Variants in RIPOR2 observed in about 807,000 individuals in gnomAD.
The protein encoded by RIPOR2 is rho family-interacting cell polarization regulator 2.
A neutral mutation model predicts 114.5 loss-of-function variants in RIPOR2; 39 were observed. That is an observed-to-expected ratio of 0.34 (90% CI 0.26 to 0.44). The LOEUF is 0.44. Ranked by LOEUF, RIPOR2 falls within the 20% of genes least tolerant of loss-of-function variation. RIPOR2 has a pLI of 1.00. For missense variants in RIPOR2, 1,007 were observed against 1,255.1 expected, an observed-to-expected ratio of 0.80 and a Z score of 2.99; for synonymous variants, 445 against 484.4, an observed-to-expected ratio of 0.92 and a Z score of 1.07.
In RIPOR2 at chr6:24,920,321, C is replaced by T. The variant is rs2817737; in HGVS notation, c.61+15517G>A. Among the ~76,000 whole-genome samples, 1,470 of 152,304 alleles carry T rather than the reference C, an allele frequency of 9.7e-3. 22 individuals carry two copies. The highest frequency in any genetic ancestry group is 0.033 in the African/African-American group (1,389 of 41,556). On this transcript the variant is annotated intron_variant, in intron 1 of 21. Transcript: ENST00000643898. Reference sequence around the variant, plus strand: ...AATGCAAGCATGTGAACTTGGTATGCATAGCACCAAATGCAGGAGAGCATG... The same window carrying T: ...AATGCAAGCATGTGAACTTGGTATGTATAGCACCAAATGCAGGAGAGCATG...
chr6:24,839,741 G>T, intron 13 of RIPOR2: 1 of 1,434,186 alleles, frequency 7.0e-7, no homozygotes, highest in Non-Finnish European at 9.1e-7. Context: ...ACCACAAGCA[G>T]ACAAATTTTA....
At chr6:24,984,861 C>T (rs1239042683) in intron 1 of RIPOR2, among the ~76,000 whole-genome samples, 1 of 152,166 alleles carries the variant, frequency 6.6e-6, no homozygotes, top group African/African-American at 2.4e-5. Context: ...CCCTGGTACC[C>T]TGGTACCCTG....
At chr6:24,857,157 G>A (rs963749152) in intron 8 of RIPOR2, among the ~76,000 whole-genome samples, 1 of 152,162 alleles carries the variant, frequency 6.6e-6, no homozygotes. Context: ...TACTGGCCAC[G>A]GAATTAGCAC....
intron 1 of RIPOR2, among the ~76,000 whole-genome samples, chr6:24,878,231 T>C (rs1234177132): frequency 6.6e-6 from 1 of 152,242 alleles, no homozygotes; most frequent in African/African-American, 2.4e-5. Flanking sequence ...GGTTCTCCTC[T>C]GTGCTCTCTG....
At chr6:24,866,351 C>T (rs896527432) in intron 6 of RIPOR2, among the ~76,000 whole-genome samples, 7 of 151,970 alleles carry the variant, frequency 4.6e-5, no homozygotes, top group Non-Finnish European at 8.8e-5. Flanking sequence ...TCAGCTAATT[C>T]TTCTAAGGCA....
intron 1 of RIPOR2, among the ~76,000 whole-genome samples, chr6:25,016,883 C>T (rs1453485412): frequency 2.6e-5 from 4 of 152,304 alleles, no homozygotes; most frequent in East Asian, 1.9e-4. Context: ...TTGTATATAT[C>T]TTCTAGGGGA....
rs186813241 is a variant in RIPOR2, at chr6:24,883,719, T to C, written c.62-7902A>G. 5.8e-4 allele frequency among the ~76,000 whole-genome samples: 88 copies of C among 152,330 alleles called. No homozygotes were observed. The highest frequency in any genetic ancestry group is 2.0e-3 in the African/African-American group (84 of 41,568). On this transcript the variant is annotated intron_variant, in intron 1 of 21. Coordinates refer to ENST00000643898, the MANE Select transcript of RIPOR2 (RefSeq NM_001286445.3). The surrounding 1 kb of genome is among the most constrained non-coding windows in gnomAD (Gnocchi z 4.1). ...GAAATCAGGACTTGGAAAAGCTGAA[T>C]CAGTAAGCAACCAGCTGAGAGTTGC...
At chr6:24,888,248 A>G (rs1562315489) in intron 1 of RIPOR2, among the ~76,000 whole-genome samples, 1 of 152,240 alleles carries the variant, frequency 6.6e-6, no homozygotes, top group Non-Finnish European at 1.5e-5. Context: ...ACCAGGTTAA[A>G]AAAACATTGC....
At chr6:24,875,547 A>G in intron 2 of RIPOR2, 144 bp downstream of exon 2, 1 of 726,568 alleles carries the variant, frequency 1.4e-6, no homozygotes, top group Non-Finnish European at 2.3e-6. Context: ...AATTTTTAGT[A>G]CATCCTTTCC....
chr6:24,908,629 G>A (rs1769216625), intron 1 of RIPOR2, among the ~76,000 whole-genome samples: 1 of 152,182 alleles, frequency 6.6e-6, no homozygotes, highest in South Asian at 2.1e-4. Context: ...TTTAGGGAAG[G>A]ACATTTGGCA....
At chr6:25,040,250 G>T (rs1264372757) in intron 1 of RIPOR2, among the ~76,000 whole-genome samples, 1 of 151,984 alleles carries the variant, frequency 6.6e-6, no homozygotes, top group Non-Finnish European at 1.5e-5. Flanking sequence ...TGAGTAGTTG[G>T]GATTACAGGT....
chr6:24,904,288 A>C (rs1258766147), intron 1 of RIPOR2, among the ~76,000 whole-genome samples: 1 of 152,136 alleles, frequency 6.6e-6, no homozygotes, highest in Non-Finnish European at 1.5e-5. Flanking sequence ...CGAGGAGAAA[A>C]TCTGTTTCCT....
intron 1 of RIPOR2, among the ~76,000 whole-genome samples, chr6:24,962,021 C>A (rs1773331637): frequency 6.6e-6 from 1 of 152,152 alleles, no homozygotes; most frequent in Admixed American, 6.6e-5. Context: ...AGGCTAAGCA[C>A]CTCACTCTAA....
chr6:24,938,580 C>T (rs865919609), upstream of RIPOR2, among the ~76,000 whole-genome samples: 4 of 152,180 alleles, frequency 2.6e-5, no homozygotes, highest in South Asian at 8.3e-4. Flanking sequence ...TATAATTATA[C>T]GCCTAAGTCT....
At chr6:24,949,502 T>C (rs1005037792) in intron 1 of RIPOR2, among the ~76,000 whole-genome samples, 3 of 152,174 alleles carry the variant, frequency 2.0e-5, no homozygotes, top group African/African-American at 7.2e-5. Flanking sequence ...TTTCAGGACA[T>C]CTTTAGGGTC....
chr6:25,008,421 G>A (rs1300259365), intron 1 of RIPOR2, among the ~76,000 whole-genome samples: 1 of 152,176 alleles, frequency 6.6e-6, no homozygotes, highest in Non-Finnish European at 1.5e-5. Context: ...AGAGATGTGA[G>A]GACAGTGGCA....
chr6:25,005,719 A>ATC (rs1263867796), intron 1 of RIPOR2, among the ~76,000 whole-genome samples: 2 of 106,626 alleles, frequency 1.9e-5, no homozygotes, highest in Non-Finnish European at 4.4e-5. Flanking sequence ...ATATATATAT[A>ATC]TATATATATA....
chr6:24,870,992 T>C (rs1466583481), intron 4 of RIPOR2, 103 bp from the exon 5 acceptor site: 2 of 645,066 alleles, frequency 3.1e-6, no homozygotes, highest in East Asian at 3.2e-5. Flanking sequence ...TCTGTGGAAA[T>C]AATGATCATC....
chr6:24,877,444 G>C, intron 1 of RIPOR2: 2 of 671,408 alleles, frequency 3.0e-6, no homozygotes, highest in Non-Finnish European at 3.7e-6. Context: ...ACTAGCTGGG[G>C]AGGAGCAGCT....
Sources: gnomAD v4.1 joint callset for allele counts (sites outside exome capture counted in the v4.1 genomes callset) on GRCh38, gnomAD v4.1.1 for gene constraint, Gnocchi (gnomAD v3.1) non-coding constraint, MANE v1.5 for transcripts, NCBI Gene and HGNC (gene_info 2026-07-23, HGNC 2026-07-21) for gene names.